FIGN: variants seen among roughly 807,000 people sequenced by gnomAD.
FIGN encodes fidgetin, microtubule severing factor.
In FIGN, 11 loss-of-function variants were observed where a neutral mutation model predicts 51.3. That is an observed-to-expected ratio of 0.21 (90% CI 0.13 to 0.35). FIGN has a LOEUF of 0.35. Ranked by LOEUF, FIGN falls within the 10% of genes least tolerant of loss-of-function variation. The pLI, the probability that FIGN is intolerant of heterozygous loss-of-function variation, is 1.00. For missense variants in FIGN, 857 were observed against 943.6 expected, an observed-to-expected ratio of 0.91 and a Z score of 1.20; for synonymous variants, 407 against 363.2, an observed-to-expected ratio of 1.12 and a Z score of -1.37.
rs1573897931 is a variant in FIGN, at chr2:163,609,859, C to T, written c.1973G>A (p.Arg658Lys). The T allele has an allele frequency of 1.2e-6, 2 of 1,614,034 alleles. No individual in the cohort carries two copies. The highest frequency in any genetic ancestry group is 4.5e-5 in the East Asian group (2 of 44,886). ...GAGCAGTTGTACTATTATCTGGTGC[C>T]TCGCTGTGCTGTCAGGAAGTGGGAT... Reference protein sequence around the residue: ...LLIPLPDSTARHQIIVQLLSQ... With the variant: ...LLIPLPDSTAKHQIIVQLLSQ... Residue 658 changes from arginine (R) to lysine (K), a missense_variant, in exon 3 of 3, where the codon AGG becomes AAG. Physicochemically the swap from Arg to Lys is conservative, Grantham distance 26. Coordinates refer to ENST00000333129, the MANE Select transcript of FIGN (RefSeq NM_018086.4).
At chr2:163,627,257 A>G (rs944420654) in intron 2 of FIGN, among the ~76,000 whole-genome samples, 1 of 152,280 alleles carries the variant, frequency 6.6e-6, no homozygotes, top group Admixed American at 6.5e-5. Flanking sequence ...CCTTTCTAGT[A>G]ACACCTAGTT....
intron 2 of FIGN, among the ~76,000 whole-genome samples, chr2:163,704,865 T>A (rs1227348615): frequency 1.3e-5 from 2 of 151,868 alleles, no homozygotes; most frequent in African/African-American, 2.4e-5. Flanking sequence ...CCTGGAAAAA[T>A]ATTAATGGCA....
intron 2 of FIGN, among the ~76,000 whole-genome samples, chr2:163,675,171 T>A (rs1420301466): frequency 6.6e-6 from 1 of 152,230 alleles, no homozygotes; most frequent in African/African-American, 2.4e-5. Flanking sequence ...GAAGTGGATG[T>A]AATAGGGCCT....
Position 163,735,858 on chromosome 2 carries a change from C to A in FIGN, c.-166G>T, listed in dbSNP as rs940515475. On this transcript the variant is annotated 5_prime_UTR_variant, in exon 1 of 3. Coordinates refer to ENST00000333129, the MANE Select transcript of FIGN (RefSeq NM_018086.4). ...CTTACCTGAACGCGCGGAGAGAGAA[C>A]CCGATAGGTTAGCGTAGCATCGATC... 7 of 152,610 alleles carry A rather than the reference C, an allele frequency of 4.6e-5. No homozygotes were observed. The highest frequency in any genetic ancestry group is 1.2e-4 in the African/African-American group (5 of 41,434). The allele number at this position is 152,610 out of a possible 1,614,324, so 9.5% of individuals were successfully genotyped here. A position where few individuals can be genotyped will look rare whatever the true frequency, so the allele number is the denominator to read the frequency against.
chr2:163,622,536 A>G (rs1346460417), intron 2 of FIGN, among the ~76,000 whole-genome samples: 1 of 151,818 alleles, frequency 6.6e-6, no homozygotes, highest in African/African-American at 2.4e-5. Context: ...GATATTTTTC[A>G]GCCACATTTT....
chr2:163,663,476 A>G (rs1032424624), intron 2 of FIGN, among the ~76,000 whole-genome samples: 1 of 151,736 alleles, frequency 6.6e-6, no homozygotes, highest in Admixed American at 6.6e-5. Flanking sequence ...CTAGGAATAC[A>G]GGTGCCCACC....
chr2:163,628,952 G>T (rs965002889), intron 2 of FIGN, among the ~76,000 whole-genome samples: 63 of 152,204 alleles, frequency 4.1e-4, no homozygotes, highest in African/African-American at 1.3e-3. Flanking sequence ...CCCCCAAATT[G>T]CTACAATTTG....
At chr2:163,643,476 C>A (rs779811665) in intron 2 of FIGN, among the ~76,000 whole-genome samples, 1 of 151,712 alleles carries the variant, frequency 6.6e-6, no homozygotes, top group Non-Finnish European at 1.5e-5. Context: ...CATGGTGAAA[C>A]CCCATCTCTA....
chr2:163,656,188 G>C (rs940347896), intron 2 of FIGN, among the ~76,000 whole-genome samples: 4 of 152,186 alleles, frequency 2.6e-5, no homozygotes, highest in Non-Finnish European at 5.9e-5. Context: ...CCTAGTTGCT[G>C]ACTCTTACTC....
intron 2 of FIGN, among the ~76,000 whole-genome samples, chr2:163,697,280 T>C (rs1214172809): frequency 1.3e-5 from 2 of 151,582 alleles, no homozygotes; most frequent in Non-Finnish European, 2.9e-5. Flanking sequence ...TTTGTGTTTT[T>C]AGTAGAGACA....
At chr2:163,663,094 A>AT (rs1301147767) in intron 2 of FIGN, among the ~76,000 whole-genome samples, 4 of 151,932 alleles carry the variant, frequency 2.6e-5, no homozygotes, top group Non-Finnish European at 5.9e-5. Context: ...TTTTTTTGGT[A>AT]TTTTTTGGTA....
intron 2 of FIGN, among the ~76,000 whole-genome samples, chr2:163,685,805 C>A (rs1684138038): frequency 6.6e-6 from 1 of 152,184 alleles, no homozygotes; most frequent in Non-Finnish European, 1.5e-5. Context: ...CGCCAGTAAA[C>A]TGACTTTCAT....
At chr2:163,697,100 C>CTTTTTTTTTTTTTT (rs1258378034) in intron 2 of FIGN, among the ~76,000 whole-genome samples, 1 of 108,432 alleles carries the variant, frequency 9.2e-6, no homozygotes, top group Non-Finnish European at 1.9e-5. Flanking sequence ...CTTTTCTTTT[C>CTTTTTTTTTTTTTT]TTTCTTTTTT....
At chr2:163,636,874 T>G (rs544437668) in intron 2 of FIGN, among the ~76,000 whole-genome samples, 1 of 152,182 alleles carries the variant, frequency 6.6e-6, no homozygotes, top group African/African-American at 2.4e-5. Context: ...AGAAACACTT[T>G]CACTACCAGC....
intron 2 of FIGN, among the ~76,000 whole-genome samples, chr2:163,672,085 T>A (rs941587126): frequency 6.6e-6 from 1 of 152,166 alleles, no homozygotes; most frequent in African/African-American, 2.4e-5. Context: ...TCATCCCTGT[T>A]GCTGAGATAA....
At chr2:163,644,206 A>G (rs1397515283) in intron 2 of FIGN, among the ~76,000 whole-genome samples, 1 of 152,168 alleles carries the variant, frequency 6.6e-6, no homozygotes, top group African/African-American at 2.4e-5. Flanking sequence ...TGTATTTAGA[A>G]TATATAAAGA....
At position 163,660,885 on chromosome 2, in the gene FIGN, T is replaced by A. The variant is rs796603947; in HGVS notation, c.26-49079A>T. On this transcript the variant is annotated intron_variant, in intron 2 of 2. Transcript: ENST00000333129. ...TATATATATATATATATATATTTTT[T>A]TTTTTTTTTTTTTTTTTTTTGAGAT... Among the ~76,000 whole-genome samples the A allele has an allele frequency of 5.0e-3, 68 of 13,494 alleles. 9 individuals carry two copies. Among genetic ancestry groups the A allele is most frequent in the East Asian group, 9.7e-3 (5 of 518 alleles). 8.9% of individuals were successfully genotyped at this position (13,494 alleles called of 152,430 possible). A position where few individuals can be genotyped will look rare whatever the true frequency, so the allele number is the denominator to read the frequency against.
chr2:163,652,820 C>G (rs1351460245), intron 2 of FIGN, among the ~76,000 whole-genome samples: 1 of 152,042 alleles, frequency 6.6e-6, no homozygotes, highest in East Asian at 1.9e-4. Context: ...ACCCAAAAAC[C>G]CTCATTTCTA....
chr2:163,678,674 A>G (rs1684012141), intron 2 of FIGN, among the ~76,000 whole-genome samples: 1 of 152,184 alleles, frequency 6.6e-6, no homozygotes, highest in Non-Finnish European at 1.5e-5. Flanking sequence ...GATAAAACAG[A>G]TGATATTTCA....
Sources: allele counts gnomAD v4.1 joint callset (sites outside exome capture counted in the v4.1 genomes callset), GRCh38; gene constraint gnomAD v4.1.1; transcripts MANE v1.5; gene names NCBI Gene and HGNC (gene_info 2026-07-23, HGNC 2026-07-21).